Variants in ADGRV1 observed in about 807,000 individuals in gnomAD.
ADGRV1 encodes the protein G-protein coupled receptor 98.
Under a neutral mutation model 596.2 loss-of-function variants are expected in ADGRV1, and 359 were observed. The ratio of observed to expected loss-of-function variants is 0.60; its 90% CI spans 0.55 to 0.66. ADGRV1 has a LOEUF of 0.66. Among genes scored for constraint, ADGRV1 ranks in the 30% least tolerant of loss-of-function variants. The pLI is 0.00. For synonymous variants in ADGRV1, 2,681 were observed against 2,679.2 expected (o/e 1.00, Z -0.02); for missense variants, 7,274 against 7,575.6 (o/e 0.96, Z 1.48).
At chr5:90,807,760 C>T (rs771123134) in intron 73 of ADGRV1, 23 bp downstream of exon 73, 4 of 1,499,250 alleles carry the variant, frequency 2.7e-6, no homozygotes, top group Non-Finnish European at 3.6e-6. Flanking sequence ...TCATTCTCAC[C>T]CAAGAAATTC....
chr5:90,992,635 T>C (rs912205507), intron 85 of ADGRV1, among the ~76,000 whole-genome samples: 13 of 152,232 alleles, frequency 8.5e-5, no homozygotes, highest in Admixed American at 3.3e-4. Context: ...AAGACTTCTT[T>C]GTGTAGAATA....
At chr5:90,747,975 C>T (rs1342890797) in intron 52 of ADGRV1, among the ~76,000 whole-genome samples, 1 of 152,148 alleles carries the variant, frequency 6.6e-6, no homozygotes, top group Non-Finnish European at 1.5e-5. Flanking sequence ...ATCTGACTCA[C>T]ATTTTAGAAG....
chr5:90,701,524 T>C (rs1324261734), intron 34 of ADGRV1, among the ~76,000 whole-genome samples: 2 of 151,980 alleles, frequency 1.3e-5, no homozygotes, highest in African/African-American at 4.8e-5. Context: ...CTTACAAGAT[T>C]ATGTGTTTAA....
chr5:91,133,065 T>G (rs1582155940), intron 87 of ADGRV1, among the ~76,000 whole-genome samples: 1 of 152,170 alleles, frequency 6.6e-6, no homozygotes, highest in Non-Finnish European at 1.5e-5. Flanking sequence ...AGTGAGCTGA[T>G]AGTGAGATTT....
Position 90,674,169 on chromosome 5 carries a change from G to T in ADGRV1, c.5045G>T (p.Gly1682Val), listed in dbSNP as rs1772899768. The T allele has an allele frequency of 6.2e-7, 1 of 1,613,260 alleles. No homozygotes were observed. Among genetic ancestry groups the T allele is most frequent in the East Asian group, 2.2e-5 (1 of 44,866 alleles). ...AAGCTAGGCTCAACTCCTACCAGTG[G>T]TGCAAGCATAGATCCTGAAAAGGAA... ...DGKLGSTPTS[G>V]ASIDPEKETT... is the part of the protein sequence containing the mutation. Residue 1682 changes from glycine (G) to valine (V), a missense_variant, in exon 23 of 90, where the codon GGT becomes GTT. By Grantham distance (109) the Gly-to-Val change is moderately radical. Transcript: ENST00000405460.
chr5:91,145,881 C>T (rs1408681305), intron 87 of ADGRV1, among the ~76,000 whole-genome samples: 1 of 152,154 alleles, frequency 6.6e-6, no homozygotes, highest in Non-Finnish European at 1.5e-5. Flanking sequence ...CACTAGCCTA[C>T]ATACCTAGAG....
Position 90,711,298 on chromosome 5 carries a change from G to T in ADGRV1, c.9018G>T (p.Gly3006=). ...VYAQNLEAQV[G]LDYIFTPMIL... is the part of the protein sequence containing the mutation. ...CTCAGAATTTGGAAGCACAAGTGGG[G>T]CTGGATTATATCTTCACCCCAATGG... Residue 3006 remains glycine (G), a synonymous_variant, in exon 41 of 90, where the codon GGG becomes GGT. Transcript: ENST00000405460. The T allele has an allele frequency of 6.2e-7, 1 of 1,612,124 alleles. No homozygotes were observed.
At chr5:90,933,647 T>G (rs1378392001) in intron 83 of ADGRV1, among the ~76,000 whole-genome samples, 1 of 152,170 alleles carries the variant, frequency 6.6e-6, no homozygotes, top group Non-Finnish European at 1.5e-5. Flanking sequence ...TCTCTCTAAC[T>G]TTTGAGTTGA....
chr5:91,121,864 A>G (rs983734172), intron 87 of ADGRV1, among the ~76,000 whole-genome samples: 2 of 152,170 alleles, frequency 1.3e-5, no homozygotes, highest in African/African-American at 4.8e-5. Context: ...AAGCCGTAGC[A>G]TGCAGCAATT....
At chr5:90,622,481 G>A (rs532021924) in intron 4 of ADGRV1, 116 bp from the exon 5 acceptor site, 26 of 420,894 alleles carry the variant, frequency 6.2e-5, no homozygotes, top group Admixed American at 4.4e-4. Context: ...CATTCTTATC[G>A]TACAGTGTGG....
At chr5:90,582,757 A>C (rs1758233646) in intron 1 of ADGRV1, among the ~76,000 whole-genome samples, 1 of 152,140 alleles carries the variant, frequency 6.6e-6, no homozygotes, top group Admixed American at 6.5e-5. Context: ...TTATTGTAAG[A>C]TATGGGGTCT....
At chr5:90,574,037 G>A (rs1756887395) in intron 1 of ADGRV1, among the ~76,000 whole-genome samples, 1 of 152,056 alleles carries the variant, frequency 6.6e-6, no homozygotes, top group African/African-American at 2.4e-5. Context: ...CCAGTAACAA[G>A]CTGTTTTGGT....
intron 75 of ADGRV1, among the ~76,000 whole-genome samples, chr5:90,818,050 G>A (rs1284930535): frequency 2.6e-5 from 4 of 151,546 alleles, no homozygotes. Flanking sequence ...CCATGAGCAT[G>A]GAATGTTCTT....
At chr5:90,633,705 T>C (rs1765787742) in intron 9 of ADGRV1, among the ~76,000 whole-genome samples, 1 of 152,128 alleles carries the variant, frequency 6.6e-6, no homozygotes, top group South Asian at 2.1e-4. Context: ...TTTATCTACA[T>C]TGTAAGGTAA....
At chr5:90,964,350 G>A (rs1778272546) in intron 83 of ADGRV1, among the ~76,000 whole-genome samples, 1 of 151,994 alleles carries the variant, frequency 6.6e-6, no homozygotes, top group African/African-American at 2.4e-5. Context: ...TTTAATAAAC[G>A]CTTATTGATC....
chr5:90,632,814 A>C (rs1196247836), intron 9 of ADGRV1, among the ~76,000 whole-genome samples: 2 of 152,208 alleles, frequency 1.3e-5, no homozygotes, highest in African/African-American at 2.4e-5. Context: ...CTTACAGTGC[A>C]GTTAATTTAT....
Position 90,823,172 on chromosome 5 carries a change from G to A in ADGRV1, c.16197-253G>A, listed in dbSNP as rs368105387. ...TTTACATTCCTTATACAGAGTATTA[G>A]GATACTTATTCATTGTTGAATGGAG... On this transcript the variant is annotated intron_variant, in intron 75 of 89. Coordinates refer to ENST00000405460, the MANE Select transcript of ADGRV1 (RefSeq NM_032119.4). Among the ~76,000 whole-genome samples, 10 of 152,232 alleles carry A rather than the reference G, an allele frequency of 6.6e-5. No individual in the cohort carries two copies. In the South Asian group the frequency reaches 2.1e-3, roughly 32 times the overall value.
In ADGRV1 at chr5:90,996,347, C is replaced by T. The variant is rs183450983; in HGVS notation, c.18152+10825C>T. 1.2e-4 allele frequency among the ~76,000 whole-genome samples: 19 copies of T among 152,238 alleles called. No homozygotes were observed. In the East Asian group the frequency reaches 1.4e-3, roughly 11 times the overall value. ...CAGCTCCAGCTGTGGCAAAAAGGGCCGCAGATATGTCTCAGGCCACCGCTC... is the reference window on the plus strand; with the variant it reads ...CAGCTCCAGCTGTGGCAAAAAGGGCTGCAGATATGTCTCAGGCCACCGCTC... On this transcript the variant is annotated intron_variant, in intron 85 of 89. Coordinates refer to ENST00000405460, the MANE Select transcript of ADGRV1 (RefSeq NM_032119.4).
chr5:90,735,844 C>T (rs1371511314), intron 50 of ADGRV1, among the ~76,000 whole-genome samples: 2 of 152,054 alleles, frequency 1.3e-5, no homozygotes, highest in African/African-American at 4.8e-5. Context: ...ACTTTACTGA[C>T]TTCAGTTATC....
Sources: allele counts gnomAD v4.1 joint callset (sites outside exome capture counted in the v4.1 genomes callset), GRCh38; gene constraint gnomAD v4.1.1; transcripts MANE v1.5; gene names NCBI Gene and HGNC (gene_info 2026-07-23, HGNC 2026-07-21).